LIG3: variants seen among roughly 807,000 people sequenced by gnomAD.
The protein encoded by LIG3 is DNA ligase 3, also known as ligase II, DNA, ATP-dependent.
A neutral mutation model predicts 110.9 loss-of-function variants in LIG3; 58 were observed. That is an observed-to-expected ratio of 0.52 (90% confidence interval 0.42 to 0.65). The LOEUF (loss-of-function observed/expected upper bound fraction) is 0.65. Among genes scored for constraint, LIG3 ranks in the 30% least tolerant of loss-of-function variants. LIG3 has a pLI of 0.00. For missense variants in LIG3, 1,094 were observed against 1,273.8 expected (o/e 0.86, Z 2.15); for synonymous variants, 422 against 472.8 (o/e 0.89, Z 1.39).
intron 19 of LIG3, 122 bp from the exon 20 acceptor site, chr17:35,004,151 G>A: frequency 1.4e-6 from 1 of 695,360 alleles, no homozygotes; most frequent in South Asian, 1.8e-5. Flanking sequence ...TGGTATTCCA[G>A]TAAACTTCTC....
At position 34,983,231 on chromosome 17, in the gene LIG3, G is replaced by C. The variant is rs566602314; in HGVS notation, c.226G>C (p.Gly76Arg). Residue 76 changes from glycine to arginine, a missense_variant, in exon 2 of 20, where the codon GGG (glycine) becomes CGG (arginine). Transcript: ENST00000378526. ...TGCCACCTACCTTGTTTTCTTGCCAGGGTTGCATGTGGGACTCTGCAGTGG... is the reference window on the plus strand; with the variant it reads ...TGCCACCTACCTTGTTTTCTTGCCACGGTTGCATGTGGGACTCTGCAGTGG... ...SRATYLVFLP[G>R]LHVGLCSGPC... is the part of the protein sequence containing the mutation. 6.2e-7 allele frequency: 1 copy of C among 1,614,192 alleles called. No individual in the cohort carries two copies. The highest frequency in any genetic ancestry group is 1.1e-5 in the South Asian group (1 of 91,084).
In LIG3 at chr17:35,007,058, C is replaced by T. The variant is rs1461162357; in HGVS notation, c.*2552C>T. 1.3e-5 allele frequency: 2 copies of T among 152,192 alleles called. No individual in the cohort carries two copies. The highest frequency in any genetic ancestry group is 2.9e-5 in the Non-Finnish European group (2 of 68,072). The allele number at this position is 152,192 out of a possible 1,614,324, so 9.4% of individuals were successfully genotyped here. A position where few individuals can be genotyped will look rare whatever the true frequency, so the allele number is the denominator to read the frequency against. ...TTGAGTACTGACCTACATAGATTTC[C>T]ATTTCTCTCTTCAGCCTCAGGCCAA... On this transcript the variant is annotated 3_prime_UTR_variant, in exon 20 of 20. Transcript: ENST00000378526.
At chr17:34,998,538 A>C in intron 13 of LIG3, 66 bp from the exon 14 acceptor site, 1 of 1,587,038 alleles carries the variant, frequency 6.3e-7, no homozygotes, top group Non-Finnish European at 8.6e-7. Context: ...TGTAGCAGTG[A>C]AGGGGTGAAC....
At chr17:34,996,330 G>A in intron 10 of LIG3, 135 bp downstream of exon 10, 1 of 1,151,386 alleles carries the variant, frequency 8.7e-7, no homozygotes, top group East Asian at 2.4e-5. Flanking sequence ...ACCTGTTTCT[G>A]GTTTGGATTT....
intron 8 of LIG3, 196 bp from the exon 9 acceptor site, chr17:34,994,080 A>T (rs1031454395): frequency 2.8e-5 from 14 of 497,280 alleles, no homozygotes; most frequent in Non-Finnish European, 4.9e-5. Flanking sequence ...TGATTATTTC[A>T]TAGGCAGAAT....
intron 6 of LIG3, 26 bp from the exon 7 acceptor site, chr17:34,991,932 A>C: frequency 6.2e-7 from 1 of 1,614,022 alleles, no homozygotes; most frequent in East Asian, 2.2e-5. Context: ...CTTCAAGACC[A>C]AGTTAAATGT....
intron 5 of LIG3, 65 bp from the exon 6 acceptor site, chr17:34,991,606 G>C (rs544948991): frequency 6.6e-7 from 1 of 1,522,004 alleles, no homozygotes; most frequent in East Asian, 2.3e-5. Context: ...TTCAGTCCTG[G>C]GTCTTGGGGG....
intron 8 of LIG3, 93 bp from the exon 9 acceptor site, chr17:34,994,183 C>G: frequency 8.1e-7 from 1 of 1,241,416 alleles, no homozygotes; most frequent in Non-Finnish European, 1.1e-6. Context: ...ACCCAGGTAA[C>G]TACCCTCACT....
chr17:34,982,263 T>C (rs980916772), intron 1 of LIG3, among the ~76,000 whole-genome samples: 2 of 152,170 alleles, frequency 1.3e-5, no homozygotes, highest in African/African-American at 2.4e-5. Flanking sequence ...CAAATCTATA[T>C]AGTGGCTTGA....
downstream of LIG3, chr17:35,010,541 CAA>C (rs1390712888): frequency 6.6e-6 from 1 of 152,126 alleles, no homozygotes; most frequent in Admixed American, 6.6e-5. Flanking sequence ...ATCATAAGGT[CAA>C]GAGTTCAAGA....
At chr17:34,998,172 A>G in intron 12 of LIG3, 47 bp from the exon 13 acceptor site, 2 of 1,469,408 alleles carry the variant, frequency 1.4e-6, no homozygotes, top group Non-Finnish European at 1.9e-6. Flanking sequence ...CTCACTCACC[A>G]CCTTCTCCAC....
At chr17:34,992,407 A>C in intron 7 of LIG3, 117 bp from the exon 8 acceptor site, 1 of 1,167,114 alleles carries the variant, frequency 8.6e-7, no homozygotes, top group Non-Finnish European at 1.2e-6. Flanking sequence ...TAGACAATAG[A>C]ACACAACCCC....
chr17:35,003,078 A>T, intron 19 of LIG3: 1 of 1,613,960 alleles, frequency 6.2e-7, no homozygotes, highest in Non-Finnish European at 8.5e-7. Flanking sequence ...GAGAGACTGC[A>T]GGGACTCACT....
At chr17:34,991,628 C>T (rs1386241080) in intron 5 of LIG3, 43 bp from the exon 6 acceptor site, 1 of 1,603,070 alleles carries the variant, frequency 6.2e-7, no homozygotes, top group Admixed American at 1.7e-5. Context: ...TACACTTGGC[C>T]ACCCTAGGGT....
Position 35,002,653 on chromosome 17 carries a change from C to T in LIG3, c.2675-15C>T, listed in dbSNP as rs915324015. 7 of 1,610,382 alleles carry T rather than the reference C, an allele frequency of 4.3e-6. No individual in the cohort carries two copies. The highest frequency in any genetic ancestry group is 1.9e-4 in the Middle Eastern group (1 of 5,310). Reference sequence around the variant, plus strand: ...GGTGTGCACCACCACACCCAGCTTCCTCTCTGTCCTGCAGGCAACATGCAG... The same window carrying T: ...GGTGTGCACCACCACACCCAGCTTCTTCTCTGTCCTGCAGGCAACATGCAG... On this transcript the variant is annotated splice_polypyrimidine_tract_variant and intron_variant, in intron 18 of 19. Transcript: ENST00000378526.
chr17:34,994,178 G>C (rs1320432622), intron 8 of LIG3, 98 bp from the exon 9 acceptor site: 3 of 1,177,308 alleles, frequency 2.5e-6, no homozygotes, highest in Non-Finnish European at 3.6e-6. Flanking sequence ...CCAAGACCCA[G>C]GTAACTACCC....
chr17:34,981,487 C>T (rs939312735), intron 1 of LIG3: 3 of 152,200 alleles, frequency 2.0e-5, no homozygotes, highest in African/African-American at 7.2e-5. Flanking sequence ...TTAGAGAGCT[C>T]AGAACAGCCT....
chr17:34,998,509 C>T (rs2090804442), intron 13 of LIG3, 95 bp from the exon 14 acceptor site: 1 of 1,469,178 alleles, frequency 6.8e-7, no homozygotes, highest in Non-Finnish European at 9.4e-7. Context: ...GAGGGAGGGG[C>T]ACTGGGCTAG....
chr17:34,989,826 TC>T, intron 4 of LIG3, 163 bp downstream of exon 4: 1 of 664,308 alleles, frequency 1.5e-6, no homozygotes, highest in East Asian at 2.7e-5. Context: ...ACAAGGGGCC[TC>T]GCATTTGCAT....
Sources: gnomAD v4.1 joint callset for allele counts (sites outside exome capture counted in the v4.1 genomes callset) on GRCh38, gnomAD v4.1.1 for gene constraint, MANE v1.5 for transcripts, NCBI Gene and HGNC (gene_info 2026-07-23, HGNC 2026-07-21) for gene names.